Variants in STS observed in about 807,000 individuals in gnomAD.
The protein encoded by STS is steroid sulfatase.
STS carries 7 observed loss-of-function variants against 26.8 expected under a neutral mutation model. The observed-to-expected ratio is 0.26, with a 90% confidence interval of 0.15 to 0.49. STS has a LOEUF of 0.49. STS is among the 20% of genes least tolerant of loss of function. The probability of loss-of-function intolerance (pLI) is 0.98; values close to 1 mark genes in which losing one functional copy is unlikely to be tolerated. For missense variants in STS, 434 were observed against 465.6 expected (o/e 0.93, Z 0.63); for synonymous variants, 199 against 189.4 (o/e 1.05, Z -0.42).
At chrX:7,247,349 G>A (rs546249292) in intron 2 of STS, among the ~76,000 whole-genome samples, 1 of 111,632 alleles carries the variant, frequency 9.0e-6, no homozygotes, top group South Asian at 3.8e-4. Context: ...AGAGAGAGAG[G>A]TGATTGACTA....
intron 2 of STS, among the ~76,000 whole-genome samples, chrX:7,230,437 A>G (rs1922008423): frequency 8.9e-6 from 1 of 111,984 alleles, no homozygotes; most frequent in African/African-American, 3.2e-5. Context: ...CAACCCAGAC[A>G]TGTGTCAGCT....
chrX:7,225,732 C>T (rs1921773843), intron 2 of STS, among the ~76,000 whole-genome samples: 1 of 111,991 alleles, frequency 8.9e-6, no homozygotes, highest in Non-Finnish European at 1.9e-5. Flanking sequence ...ATCTAATTCC[C>T]AATTGCCAAC....
At chrX:7,311,444 G>A (rs1389101876) in intron 8 of STS, among the ~76,000 whole-genome samples, 1 of 111,591 alleles carries the variant, frequency 9.0e-6, no homozygotes, top group African/African-American at 3.3e-5. Flanking sequence ...GAAACCTCTA[G>A]GGGAGAATCC....
At chrX:7,168,531 A>G (rs961661301) in intron 1 of STS, among the ~76,000 whole-genome samples, 17 of 111,666 alleles carry the variant, frequency 1.5e-4, no homozygotes, top group African/African-American at 5.5e-4. Context: ...CTCTGAAAAC[A>G]GGATCAGAGG....
chrX:7,219,331 A>G, intron 2 of STS: 1 of 852,494 alleles, frequency 1.2e-6, no homozygotes. Context: ...TCTTTGACAC[A>G]AATCATACCG....
At chrX:7,312,532 T>A (rs1926528358) in intron 8 of STS, among the ~76,000 whole-genome samples, 1 of 111,098 alleles carries the variant, frequency 9.0e-6, no homozygotes. Flanking sequence ...GTAGCTCCCA[T>A]AATCCCCACA....
intron 8 of STS, among the ~76,000 whole-genome samples, chrX:7,324,632 A>G (rs768122273): frequency 2.3e-4 from 26 of 111,336 alleles, no homozygotes; most frequent in Non-Finnish European, 4.7e-4. Context: ...TCTGTGTTTT[A>G]ATGCTAATGC....
At chrX:7,248,477 G>A (rs1447194758) in intron 2 of STS, among the ~76,000 whole-genome samples, 1 of 111,884 alleles carries the variant, frequency 8.9e-6, no homozygotes, top group Non-Finnish European at 1.9e-5. Context: ...ACATCTGATA[G>A]CATCCCATTG....
chrX:7,307,215 G>T (rs1472390693), intron 8 of STS, among the ~76,000 whole-genome samples: 2 of 111,472 alleles, frequency 1.8e-5, no homozygotes, highest in Non-Finnish European at 3.8e-5. Context: ...TTTGATTAAT[G>T]AACCGGTGTG....
In STS at chrX:7,216,303, G is replaced by T. The variant is rs772741867; in HGVS notation, c.-5+25295G>T. Among the ~76,000 whole-genome samples, 109 of 111,518 alleles carry T rather than the reference G, an allele frequency of 9.8e-4. 2 individuals carry two copies. The highest frequency in any genetic ancestry group is 4.7e-3 in the Middle Eastern group (1 of 215). The stretch of plus-strand genomic sequence containing the variant: ...GGGCTGTGATTCTCTAGTCTTTAGG[G>T]GGTCTCCCAGGAAATTTTATTTTAT... On this transcript the variant is annotated intron_variant, in intron 2 of 10. Transcript: ENST00000674429.
chrX:7,206,490 G>C (rs1471287702), intron 2 of STS, among the ~76,000 whole-genome samples: 4 of 109,648 alleles, frequency 3.6e-5, no homozygotes, highest in Non-Finnish European at 7.6e-5. Flanking sequence ...TTCTTTTTTT[G>C]GTTCTTTGAT....
chrX:7,261,330 G>A (rs1450773868), intron 6 of STS, among the ~76,000 whole-genome samples: 2 of 111,692 alleles, frequency 1.8e-5, no homozygotes, highest in East Asian at 5.6e-4. Flanking sequence ...ACACAAAATT[G>A]TAAAATCAAT....
intron 7 of STS, among the ~76,000 whole-genome samples, chrX:7,303,850 T>C (rs750235064): frequency 9.0e-6 from 1 of 111,663 alleles, no homozygotes; most frequent in African/African-American, 3.2e-5. Context: ...TATAAGCATA[T>C]GCAGAAATGA....
intron 2 of STS, among the ~76,000 whole-genome samples, chrX:7,193,586 A>G (rs769434060): frequency 1.8e-5 from 2 of 111,546 alleles, no homozygotes; most frequent in South Asian, 3.8e-4. Flanking sequence ...TGATTAATTC[A>G]TGATAAACGA....
chrX:7,306,325 G>A (rs2147141094), intron 8 of STS, among the ~76,000 whole-genome samples: 1 of 110,973 alleles, frequency 9.0e-6, no homozygotes, highest in South Asian at 3.9e-4. Flanking sequence ...TTGTGCTAAG[G>A]GTTAGGACTC....
At chrX:7,307,404 C>G (rs1056338617) in intron 8 of STS, among the ~76,000 whole-genome samples, 1 of 111,036 alleles carries the variant, frequency 9.0e-6, no homozygotes, top group Non-Finnish European at 1.9e-5. Flanking sequence ...ACATCCACAC[C>G]GAGGTTTTGC....
Position 7,259,546 on chromosome X carries a change from A to T in STS, c.580A>T (p.Thr194Ser). The T allele has an allele frequency of 8.3e-7, 1 of 1,210,099 alleles. No individual in the cohort carries two copies. The highest frequency in any genetic ancestry group is 1.7e-5 in the African/African-American group (1 of 57,299). Residue 194 changes from threonine to serine, a missense_variant, in exon 6 of 11, where the codon ACC becomes TCC. Transcript: ENST00000674429. Reference sequence around the variant, plus strand: ...GCAGATCGTCGGGGTCACCCTCCTTACCCTTGCTGCACTCAATTGTCTGGG... The same window carrying T: ...GCAGATCGTCGGGGTCACCCTCCTTTCCCTTGCTGCACTCAATTGTCTGGG... ...PLQIVGVTLLTLAALNCLGLL... is the reference protein window; with the variant it reads ...PLQIVGVTLLSLAALNCLGLL...
chrX:7,327,386 T>C (rs1198271340), intron 9 of STS, among the ~76,000 whole-genome samples: 1 of 108,524 alleles, frequency 9.2e-6, no homozygotes, highest in Non-Finnish European at 1.9e-5. Context: ...CTTTTTTTTT[T>C]TCTTTTTTTT....
At chrX:7,148,144 A>AGGAGGAAGTGCGCGCGC (rs1932922960) in intron 1 of STS, 61 bp downstream of exon 1, 1 of 1,041,711 alleles carries the variant, frequency 9.6e-7, no homozygotes, top group East Asian at 4.1e-5. Context: ...GGTGGGGGCG[A>AGGAGGAAGTGCGCGCGC]GGAGGAAGTG....
Sources: gnomAD v4.1 joint callset for allele counts (sites outside exome capture counted in the v4.1 genomes callset) on GRCh38, gnomAD v4.1.1 for gene constraint, MANE v1.5 for transcripts, NCBI Gene and HGNC (gene_info 2026-07-23, HGNC 2026-07-21) for gene names.